Variants in TOX observed in about 807,000 individuals in gnomAD.
TOX encodes the protein thymocyte selection-associated high mobility group box protein TOX.
TOX carries 11 observed loss-of-function variants against 53.7 expected under a neutral mutation model. That is an observed-to-expected ratio of 0.20 (90% confidence interval 0.13 to 0.34). The LOEUF is 0.34. TOX is among the 10% of genes least tolerant of loss of function. TOX has a pLI of 1.00. For missense variants in TOX, 570 were observed against 664.6 expected (o/e 0.86, Z 1.56); for synonymous variants, 225 against 245.3 (o/e 0.92, Z 0.77).
intron 6 of TOX, among the ~76,000 whole-genome samples, chr8:58,823,922 A>T (rs1810323366): frequency 6.6e-6 from 1 of 152,238 alleles, no homozygotes; most frequent in African/African-American, 2.4e-5. Flanking sequence ...CCTAGAAAAT[A>T]GGTACTAAAA....
At chr8:59,094,986 T>C (rs866460274) in intron 1 of TOX, among the ~76,000 whole-genome samples, 7 of 152,322 alleles carry the variant, frequency 4.6e-5, no homozygotes, top group Middle Eastern at 3.4e-3. Context: ...AAACGAAGAA[T>C]AGTATTGGAT....
intron 3 of TOX, among the ~76,000 whole-genome samples, chr8:58,937,215 T>A (rs1348879637): frequency 6.6e-6 from 1 of 152,190 alleles, no homozygotes; most frequent in East Asian, 1.9e-4. Flanking sequence ...CTTCAAGAAC[T>A]AGAATAGCAA....
chr8:59,017,969 C>T (rs529290445), intron 1 of TOX, among the ~76,000 whole-genome samples: 2 of 152,248 alleles, frequency 1.3e-5, no homozygotes, highest in African/African-American at 2.4e-5. Flanking sequence ...GTACATTCTC[C>T]ATTATACCAA....
intron 1 of TOX, among the ~76,000 whole-genome samples, chr8:59,044,218 C>T (rs1247860861): frequency 7.4e-6 from 1 of 134,942 alleles, no homozygotes; most frequent in Admixed American, 8.1e-5. Flanking sequence ...TTTTCCCTTT[C>T]ATGGCACTCA....
intron 3 of TOX, among the ~76,000 whole-genome samples, chr8:58,921,105 T>C (rs1812067008): frequency 6.6e-6 from 1 of 152,164 alleles, no homozygotes; most frequent in Non-Finnish European, 1.5e-5. Context: ...GAGGTACTGT[T>C]CATCAGAGGG....
At chr8:58,910,316 A>G (rs1248135305) in intron 3 of TOX, among the ~76,000 whole-genome samples, 1 of 152,154 alleles carries the variant, frequency 6.6e-6, no homozygotes, top group Non-Finnish European at 1.5e-5. Flanking sequence ...TTTTTAAACC[A>G]ATGAATCTTG....
intron 3 of TOX, among the ~76,000 whole-genome samples, chr8:58,886,175 C>A (rs560694897): frequency 6.6e-6 from 1 of 152,146 alleles, no homozygotes; most frequent in Non-Finnish European, 1.5e-5. Flanking sequence ...TAGATGTGAT[C>A]AAATGGACTC....
chr8:58,826,123 CT>C (rs1810360818), intron 6 of TOX, among the ~76,000 whole-genome samples: 1 of 152,156 alleles, frequency 6.6e-6, no homozygotes, highest in South Asian at 2.1e-4. Flanking sequence ...GAAAAAAAGT[CT>C]TTCCTAAGGG....
At chr8:59,104,449 G>T (rs1352019433) in intron 1 of TOX, among the ~76,000 whole-genome samples, 1 of 152,004 alleles carries the variant, frequency 6.6e-6, no homozygotes, top group Non-Finnish European at 1.5e-5. Flanking sequence ...CCTTTCACTC[G>T]AGTTTTTGCA....
intron 1 of TOX, among the ~76,000 whole-genome samples, chr8:59,083,122 C>A (rs1173176534): frequency 6.6e-6 from 1 of 151,964 alleles, no homozygotes; most frequent in East Asian, 1.9e-4. Context: ...GGAAAGGAAT[C>A]CCAAGAAGAG....
At chr8:59,108,050 C>G (rs924618684) in intron 1 of TOX, among the ~76,000 whole-genome samples, 1 of 152,148 alleles carries the variant, frequency 6.6e-6, no homozygotes, top group Non-Finnish European at 1.5e-5. Context: ...TCAAAGTACT[C>G]CTATTCATTT....
Position 59,012,921 on chromosome 8 carries a change from T to TA in TOX, c.103-52914dup, listed in dbSNP as rs373043305. Among the ~76,000 whole-genome samples the TA allele has an allele frequency of 3.0e-3, 367 of 123,330 alleles. 1 individual carries two copies. The highest frequency in any genetic ancestry group is 0.011 in the South Asian group (42 of 3,848). The allele number at this position is 123,330 out of a possible 152,430, so 80.9% of individuals were successfully genotyped here. A position where few individuals can be genotyped will look rare whatever the true frequency, so the allele number is the denominator to read the frequency against. ...CCCACCCACATTTGTTCCCATAGGT[T>TA]AAAAAAAAAAAAAAAAGCCCTAAAA... On this transcript the variant is annotated intron_variant, in intron 1 of 8. Coordinates refer to ENST00000361421, the MANE Select transcript of TOX (RefSeq NM_014729.3).
intron 6 of TOX, among the ~76,000 whole-genome samples, chr8:58,819,109 T>C (rs1810229026): frequency 6.6e-6 from 1 of 152,260 alleles, no homozygotes; most frequent in African/African-American, 2.4e-5. Context: ...AAATTCATAA[T>C]GTGATTAAAT....
At chr8:59,024,484 AT>A (rs1396012075) in intron 1 of TOX, among the ~76,000 whole-genome samples, 1 of 152,158 alleles carries the variant, frequency 6.6e-6, no homozygotes, top group East Asian at 1.9e-4. Flanking sequence ...TGCTTCTTAA[AT>A]TCTTAAGAGT....
intron 2 of TOX, among the ~76,000 whole-genome samples, chr8:58,950,839 G>A (rs1262368868): frequency 6.6e-6 from 1 of 151,858 alleles, no homozygotes; most frequent in Non-Finnish European, 1.5e-5. Flanking sequence ...CAGCGGTGGT[G>A]CAGGCATGGC....
chr8:58,958,072 T>C (rs1396293494), intron 2 of TOX, among the ~76,000 whole-genome samples: 1 of 152,232 alleles, frequency 6.6e-6, no homozygotes, highest in Non-Finnish European at 1.5e-5. Flanking sequence ...TTTTCATATA[T>C]GCTACACTAT....
At chr8:58,869,769 C>T (rs904020215) in intron 3 of TOX, among the ~76,000 whole-genome samples, 2 of 151,932 alleles carry the variant, frequency 1.3e-5, no homozygotes, top group East Asian at 1.9e-4. Context: ...TACAACACAT[C>T]GACAGTCCAA....
At chr8:58,868,502 A>G (rs1377501661) in intron 3 of TOX, among the ~76,000 whole-genome samples, 1 of 152,186 alleles carries the variant, frequency 6.6e-6, no homozygotes, top group Non-Finnish European at 1.5e-5. Flanking sequence ...GGCAGAGTTT[A>G]TCAGCAAATG....
chr8:58,871,022 A>T (rs1811187144), intron 3 of TOX, among the ~76,000 whole-genome samples: 1 of 152,146 alleles, frequency 6.6e-6, no homozygotes, highest in African/African-American at 2.4e-5. Flanking sequence ...AATCAGTAAA[A>T]AAAAGTCCTT....
Sources: allele counts gnomAD v4.1 joint callset (sites outside exome capture counted in the v4.1 genomes callset), GRCh38; gene constraint gnomAD v4.1.1; transcripts MANE v1.5; gene names NCBI Gene and HGNC (gene_info 2026-07-23, HGNC 2026-07-21).